CRACD: variants seen among roughly 807,000 people sequenced by gnomAD.
The protein encoded by CRACD is capping protein inhibiting regulator of actin dynamics, also known as capping protein-inhibiting regulator of actin dynamics.
A neutral mutation model predicts 106.8 loss-of-function variants in CRACD; 56 were observed. The observed-to-expected ratio is 0.52, with a 90% CI of 0.42 to 0.66. The LOEUF (loss-of-function observed/expected upper bound fraction) is 0.66. Ranked by LOEUF, CRACD falls within the 30% of genes least tolerant of loss-of-function variation. The pLI, the probability that CRACD is intolerant of heterozygous loss-of-function variation, is 0.00. For missense variants in CRACD, 1,730 were observed against 1,623.2 expected (o/e 1.07, Z -1.13); for synonymous variants, 754 against 670.8 (o/e 1.12, Z -1.92).
intron 2 of CRACD, among the ~76,000 whole-genome samples, chr4:56,234,348 TC>T (rs959897426): frequency 2.0e-4 from 31 of 152,228 alleles, no homozygotes; most frequent in Non-Finnish European, 4.6e-4. Context: ...TACTCTGGCT[TC>T]TTTCACATAG....
chr4:56,216,069 G>A (rs1233516863), intron 2 of CRACD: 2 of 152,206 alleles, frequency 1.3e-5, no homozygotes, highest in Admixed American at 6.5e-5. Context: ...CTGTAGCTGT[G>A]GGTGAGTCAT....
intron 1 of CRACD, among the ~76,000 whole-genome samples, chr4:56,114,008 T>C (rs983294145): frequency 7.9e-5 from 12 of 151,990 alleles, no homozygotes; most frequent in African/African-American, 1.9e-4. Context: ...ATTAATTATA[T>C]ATAGAATTAA....
At chr4:56,299,204 G>A (rs1283058330) in intron 4 of CRACD, among the ~76,000 whole-genome samples, 1 of 138,918 alleles carries the variant, frequency 7.2e-6, no homozygotes, top group African/African-American at 3.4e-5. Context: ...CTGCAGAGTG[G>A]GGCAGTTTTC....
At chr4:56,190,791 G>T (rs1737335017) in intron 2 of CRACD, among the ~76,000 whole-genome samples, 2 of 152,156 alleles carry the variant, frequency 1.3e-5, no homozygotes, top group Non-Finnish European at 2.9e-5. Context: ...GCTCCACTAG[G>T]CAGTGCCCCA....
chr4:56,260,319 T>G (rs1741619366), intron 2 of CRACD, among the ~76,000 whole-genome samples: 1 of 152,228 alleles, frequency 6.6e-6, no homozygotes, highest in East Asian at 1.9e-4. Context: ...ACCCAGGGAC[T>G]TTGCATCCTC....
intron 2 of CRACD, among the ~76,000 whole-genome samples, chr4:56,271,314 T>A (rs980158209): frequency 1.4e-4 from 22 of 152,268 alleles, no homozygotes; most frequent in African/African-American, 3.9e-4. Flanking sequence ...CTAAAATACC[T>A]CCAACAAATG....
At chr4:56,150,530 G>A (rs1190491343) in intron 1 of CRACD, among the ~76,000 whole-genome samples, 1 of 152,088 alleles carries the variant, frequency 6.6e-6, no homozygotes, top group Non-Finnish European at 1.5e-5. Context: ...ACACCTACCC[G>A]CTATGCATCT....
At chr4:56,287,684 G>A (rs952476574) in intron 3 of CRACD, among the ~76,000 whole-genome samples, 1 of 152,110 alleles carries the variant, frequency 6.6e-6, no homozygotes, top group Non-Finnish European at 1.5e-5. Context: ...TGCTCAAAGC[G>A]TTGGGATTAT....
intron 1 of CRACD, among the ~76,000 whole-genome samples, chr4:56,091,407 C>T (rs1733422695): frequency 6.6e-6 from 1 of 151,176 alleles, no homozygotes; most frequent in African/African-American, 2.4e-5. Flanking sequence ...ACAGGGGGAC[C>T]TCACCTAAAT....
At chr4:56,269,487 A>C (rs1474713606) in intron 2 of CRACD, among the ~76,000 whole-genome samples, 1 of 151,866 alleles carries the variant, frequency 6.6e-6, no homozygotes, top group African/African-American at 2.4e-5. Context: ...AGAGAGCTCT[A>C]CAGGGCTGAA....
In CRACD at chr4:56,052,029, A is replaced by G. The variant is rs1312556111; in HGVS notation, c.-336+2730A>G. Among the ~76,000 whole-genome samples, 6 of 152,310 alleles carry G rather than the reference A, an allele frequency of 3.9e-5. No homozygotes were observed. The South Asian group carries it at 6.2e-4, about 16-fold the overall frequency. ...GCTAATTTTTATTTTCATTATTTTA[A>G]TGTAAAGCAATGGCTTTTAAACTTT... On this transcript the variant is annotated intron_variant, in intron 1 of 10. Coordinates refer to ENST00000682029, the MANE Select transcript of CRACD (RefSeq NM_001393381.1).
intron 1 of CRACD, among the ~76,000 whole-genome samples, chr4:56,112,471 A>G (rs1734150394): frequency 6.6e-6 from 1 of 152,156 alleles, no homozygotes; most frequent in African/African-American, 2.4e-5. Flanking sequence ...CAATTGGTTG[A>G]GGAGGCTTTG....
intron 2 of CRACD, among the ~76,000 whole-genome samples, chr4:56,248,416 C>T (rs1018624802): frequency 2.6e-5 from 4 of 151,974 alleles, no homozygotes; most frequent in Admixed American, 2.0e-4. Flanking sequence ...TTATTAAGTG[C>T]CTATTTTGCT....
chr4:56,215,222 T>A (rs1389756955), intron 2 of CRACD, among the ~76,000 whole-genome samples: 1 of 152,142 alleles, frequency 6.6e-6, no homozygotes, highest in Non-Finnish European at 1.5e-5. Flanking sequence ...GGTCTCACTA[T>A]GTTGCCCAGG....
intron 6 of CRACD, 189 bp downstream of exon 6, chr4:56,310,923 G>A: frequency 3.5e-6 from 2 of 570,086 alleles, no homozygotes; most frequent in Admixed American, 3.0e-5. Context: ...CAAGGCAACT[G>A]CTGGAACTGA....
intron 5 of CRACD, 25 bp downstream of exon 5, chr4:56,307,724 T>C: frequency 1.2e-6 from 2 of 1,612,742 alleles, no homozygotes; most frequent in East Asian, 2.2e-5. Context: ...GGGAATGACT[T>C]GATGGCTCAT....
In CRACD at chr4:56,314,765, G is replaced by C; in HGVS notation, c.1263G>C (p.Glu421Asp). The change falls in exon 8 of 11, where the codon GAG becomes GAC. Residue 421 changes from glutamate to aspartate, a missense_variant. Transcript: ENST00000682029. The surrounding 1 kb of genome is among the most constrained non-coding windows in gnomAD (Gnocchi z 4.4). The stretch of plus-strand genomic sequence containing the variant: ...AGGACTGGAGGGGGCAGCTCAGTGA[G>C]CTTCTGAACGACTTTGAGGAGAGGC... ...HLEDWRGQLSELLNDFEERLE... is the reference protein window; with the variant it reads ...HLEDWRGQLSDLLNDFEERLE... 6.3e-7 allele frequency: 1 copy of C among 1,592,576 alleles called. No homozygotes were observed. The highest frequency in any genetic ancestry group is 8.5e-7 in the Non-Finnish European group (1 of 1,170,928).
intron 2 of CRACD, among the ~76,000 whole-genome samples, chr4:56,259,545 ACTCATT>A (rs1741575546): frequency 6.6e-6 from 1 of 152,106 alleles, no homozygotes; most frequent in South Asian, 2.1e-4. Context: ...TAAAAACATA[ACTCATT>A]CTCTTTCTCT....
At chr4:56,274,591 G>A in intron 3 of CRACD, among the ~76,000 whole-genome samples, 1 of 152,144 alleles carries the variant, frequency 6.6e-6, no homozygotes, top group East Asian at 1.9e-4. Flanking sequence ...GGATCAAATA[G>A]CTGCATTTCT....
Sources: allele counts gnomAD v4.1 joint callset (sites outside exome capture counted in the v4.1 genomes callset), GRCh38; gene constraint gnomAD v4.1.1; non-coding constraint Gnocchi (gnomAD v3.1); transcripts MANE v1.5; gene names NCBI Gene and HGNC (gene_info 2026-07-23, HGNC 2026-07-21).